Variants in VAT1L observed in about 807,000 individuals in gnomAD.
VAT1L encodes vesicle amine transport 1 like.
A neutral mutation model predicts 44.1 loss-of-function variants in VAT1L; 34 were observed. The observed-to-expected ratio is 0.77, with a 90% CI of 0.59 to 1.03. The LOEUF is 1.03. Among genes scored for constraint, VAT1L ranks in the 50% least tolerant of loss-of-function variants. The probability of loss-of-function intolerance (pLI) is 0.00; values close to 1 mark genes in which losing one functional copy is unlikely to be tolerated. For missense variants in VAT1L, 615 were observed against 538.8 expected, an observed-to-expected ratio of 1.14 and a Z score of -1.40; for synonymous variants, 253 against 202.2, an observed-to-expected ratio of 1.25 and a Z score of -2.13.
intron 7 of VAT1L, among the ~76,000 whole-genome samples, chr16:77,904,231 G>T (rs539640828): frequency 6.7e-6 from 1 of 148,894 alleles, no homozygotes; most frequent in Non-Finnish European, 1.5e-5. Context: ...GTATCCATGT[G>T]GTTTGTCTGT....
chr16:77,879,364 C>T lies in VAT1L; in HGVS notation c.882+140C>T, dbSNP rs1011285288. ...GGAGTGCAATGGCACGATCTCGGCT[C>T]ATGGCAACCTCCGACTCCCTGGTTC... On this transcript the variant is annotated intron_variant, in intron 6 of 8. Coordinates refer to ENST00000302536, the MANE Select transcript of VAT1L (RefSeq NM_020927.3). The surrounding 1 kb of genome is among the most constrained non-coding windows in gnomAD (Gnocchi z 4.1). 5 of 873,314 alleles carry T rather than the reference C, an allele frequency of 5.7e-6. No homozygotes were observed. The highest frequency in any genetic ancestry group is 7.4e-6 in the Non-Finnish European group (4 of 540,270). 54.1% of individuals were successfully genotyped at this position (873,314 alleles called of 1,614,324 possible).
At chr16:77,962,941 G>T (rs1490767236) in intron 7 of VAT1L, among the ~76,000 whole-genome samples, 4 of 152,100 alleles carry the variant, frequency 2.6e-5, no homozygotes, top group Non-Finnish European at 5.9e-5. Context: ...TAGTGATCCT[G>T]CCTCAAAAAC....
rs556944188 is a variant in VAT1L, at chr16:77,861,161, T to G, written c.580-1587T>G. Among the ~76,000 whole-genome samples the G allele has an allele frequency of 4.6e-5, 7 of 152,334 alleles. No homozygotes were observed. The South Asian group carries it at 1.2e-3, about 27-fold the overall frequency. On this transcript the variant is annotated intron_variant, in intron 3 of 8. Transcript: ENST00000302536. ...ATTTCCATAAATTGACCTGCCAACC[T>G]GATTTAGTCCGCCAGCATGAAGACA...
chr16:77,841,990 C>A (rs989886167), intron 3 of VAT1L, among the ~76,000 whole-genome samples: 2 of 152,074 alleles, frequency 1.3e-5, no homozygotes, highest in African/African-American at 4.8e-5. Context: ...CGGGTTCACG[C>A]CATTCTCCTG....
chr16:77,802,645 C>CAT (rs1264895812), intron 1 of VAT1L, among the ~76,000 whole-genome samples: 3 of 147,870 alleles, frequency 2.0e-5, no homozygotes, highest in Non-Finnish European at 4.5e-5. Context: ...CACACACACA[C>CAT]ACACACACAC....
At chr16:77,863,377 C>G (rs2142443475) in intron 4 of VAT1L, among the ~76,000 whole-genome samples, 1 of 152,366 alleles carries the variant, frequency 6.6e-6, no homozygotes, top group East Asian at 1.9e-4. Flanking sequence ...AACACACACC[C>G]TTCTCATAGT....
intron 7 of VAT1L, among the ~76,000 whole-genome samples, chr16:77,932,160 G>T (rs2017739008): frequency 7.0e-6 from 1 of 143,026 alleles, no homozygotes; most frequent in Admixed American, 7.5e-5. Flanking sequence ...CTGGAGTACA[G>T]TGGTGCGATC....
chr16:77,977,686 T>C lies in VAT1L; in HGVS notation c.1251T>C (p.Phe417=), dbSNP rs2018356150. ...GCGAGAACAAGGAGCGGATGCCCTT[T>C]ATCCAGTAACTGAGGACCCAGGTGG... ...GDSENKERMP[F]IQ Residue 417 remains phenylalanine, a synonymous_variant, in exon 9 of 9, where the codon TTT becomes TTC. Coordinates refer to ENST00000302536, the MANE Select transcript of VAT1L (RefSeq NM_020927.3). The C allele has an allele frequency of 6.8e-6, 11 of 1,613,876 alleles. No homozygotes were observed. In the East Asian group the frequency reaches 2.2e-4, roughly 33 times the overall value.
chr16:77,921,443 G>A (rs1235970118), intron 7 of VAT1L, among the ~76,000 whole-genome samples: 2 of 152,278 alleles, frequency 1.3e-5, no homozygotes, highest in East Asian at 1.9e-4. Context: ...CATCCAGTGG[G>A]AGAGAAAACT....
intron 7 of VAT1L, among the ~76,000 whole-genome samples, chr16:77,920,387 G>C (rs904371675): frequency 1.3e-5 from 2 of 152,146 alleles, no homozygotes; most frequent in Non-Finnish European, 2.9e-5. Context: ...GAAGGAAGCA[G>C]ATGAGACCTC....
chr16:77,810,495 G>C (rs1597172153), intron 1 of VAT1L, among the ~76,000 whole-genome samples: 1 of 152,122 alleles, frequency 6.6e-6, no homozygotes, highest in Non-Finnish European at 1.5e-5. Flanking sequence ...TTAAGATGAA[G>C]TTGATTATTA....
intron 8 of VAT1L, among the ~76,000 whole-genome samples, chr16:77,975,559 T>C (rs1439531919): frequency 6.6e-6 from 1 of 152,166 alleles, no homozygotes; most frequent in African/African-American, 2.4e-5. Context: ...CCAGCCAGCA[T>C]GCTGCAGGAC....
intron 7 of VAT1L, chr16:77,892,432 T>C: frequency 2.1e-6 from 1 of 471,322 alleles, no homozygotes. Flanking sequence ...CCATGGTCAA[T>C]CCCACTATGT....
At chr16:77,952,511 C>G (rs891747710) in intron 7 of VAT1L, among the ~76,000 whole-genome samples, 2 of 152,166 alleles carry the variant, frequency 1.3e-5, no homozygotes, top group Admixed American at 1.3e-4. Context: ...GCCTGCTCCC[C>G]CTTTGAGACC....
At chr16:77,803,089 C>T (rs1201302489) in intron 1 of VAT1L, among the ~76,000 whole-genome samples, 1 of 152,208 alleles carries the variant, frequency 6.6e-6, no homozygotes, top group Non-Finnish European at 1.5e-5. Context: ...CTGTGCTAAG[C>T]ACTGAACATT....
chr16:77,884,591 A>G lies in VAT1L; in HGVS notation c.883-17A>G, dbSNP rs1166303959. 2 of 1,609,820 alleles carry G rather than the reference A, an allele frequency of 1.2e-6. No individual in the cohort carries two copies. Among genetic ancestry groups the G allele is most frequent in the African/African-American group, 1.3e-5 (1 of 74,752 alleles). On this transcript the variant is annotated splice_polypyrimidine_tract_variant and intron_variant, in intron 6 of 8. Transcript: ENST00000302536. The surrounding 1 kb of genome is among the most constrained non-coding windows in gnomAD (Gnocchi z 4.5). ...CGGTATTGAGTTCCTATAACCCAAT[A>G]CCACCTCTCTTTGCAGTGGTGGCAG...
At chr16:77,841,767 T>C (rs2016708469) in intron 3 of VAT1L, among the ~76,000 whole-genome samples, 1 of 152,192 alleles carries the variant, frequency 6.6e-6, no homozygotes, top group South Asian at 2.1e-4. Flanking sequence ...GGGTGGAACA[T>C]GGTGGCAAAA....
At chr16:77,912,380 A>G (rs2017507894) in intron 7 of VAT1L, among the ~76,000 whole-genome samples, 1 of 152,128 alleles carries the variant, frequency 6.6e-6, no homozygotes, top group Non-Finnish European at 1.5e-5. Flanking sequence ...GAAATGGGAA[A>G]ATGTTAATAA....
intron 5 of VAT1L, among the ~76,000 whole-genome samples, chr16:77,877,279 G>C (rs1289605880): frequency 2.0e-5 from 3 of 152,094 alleles, no homozygotes; most frequent in African/African-American, 7.2e-5. Context: ...GGGAGGCCGA[G>C]GCGGGCGGAT....
Sources: gnomAD v4.1 joint callset for allele counts (sites outside exome capture counted in the v4.1 genomes callset) on GRCh38, gnomAD v4.1.1 for gene constraint, Gnocchi (gnomAD v3.1) non-coding constraint, MANE v1.5 for transcripts, NCBI Gene and HGNC (gene_info 2026-07-23, HGNC 2026-07-21) for gene names.